The following TENM3 variants were observed in gnomAD, a reference collection of about 807,000 sequenced individuals.
TENM3 encodes teneurin transmembrane protein 3.
In TENM3, 63 loss-of-function variants were observed where a neutral mutation model predicts 255.1. The ratio of observed to expected loss-of-function variants is 0.25; its 90% CI spans 0.20 to 0.30. The LOEUF (loss-of-function observed/expected upper bound fraction) is 0.30. Ranked by LOEUF, TENM3 falls within the 10% of genes least tolerant of loss-of-function variation. The probability of loss-of-function intolerance (pLI) is 1.00; values close to 1 mark genes in which losing one functional copy is unlikely to be tolerated. For missense variants in TENM3, 2,929 were observed against 3,461.1 expected (o/e 0.85, Z 3.86); for synonymous variants, 1,306 against 1,322.3 (o/e 0.99, Z 0.27).
At chr4:182,437,773 G>A (rs1415951455) in intron 3 of TENM3, among the ~76,000 whole-genome samples, 1 of 150,806 alleles carries the variant, frequency 6.6e-6, no homozygotes, top group Non-Finnish European at 1.5e-5. Flanking sequence ...ACTTCAGCCT[G>A]GATGACAGAG....
chr4:181,810,030 T>A, the TENM3 span, among the ~76,000 whole-genome samples: 942 of 152,162 alleles, frequency 6.2e-3, 11 homozygotes, highest in African/African-American at 0.021. Flanking sequence ...CTTGTGATAA[T>A]GTGTTATAGC....
the TENM3 span, among the ~76,000 whole-genome samples, chr4:181,616,200 AGGGAAT>A: frequency 6.6e-6 from 1 of 150,556 alleles, no homozygotes. Flanking sequence ...CAGGCTGAAA[AGGGAAT>A]CAGTGTATTC....
At chr4:182,174,569 C>T (rs1752335638) in intron 1 of TENM3, among the ~76,000 whole-genome samples, 1 of 151,176 alleles carries the variant, frequency 6.6e-6, no homozygotes, top group Admixed American at 6.6e-5. Context: ...GCCCCTTAAG[C>T]TCACCTGAAT....
chr4:181,806,750 A>C, the TENM3 span, among the ~76,000 whole-genome samples: 1 of 152,180 alleles, frequency 6.6e-6, no homozygotes, highest in Non-Finnish European at 1.5e-5. Context: ...CAAATTACCC[A>C]GTTTCACGTG....
At chr4:182,380,213 G>A (rs1351914771) in intron 3 of TENM3, among the ~76,000 whole-genome samples, 1 of 152,230 alleles carries the variant, frequency 6.6e-6, no homozygotes, top group Non-Finnish European at 1.5e-5. Flanking sequence ...AGAGGTTGCA[G>A]TGAGCCGAGA....
chr4:182,524,352 C>CTT (rs138783384), intron 3 of TENM3, among the ~76,000 whole-genome samples: 8 of 59,472 alleles, frequency 1.3e-4, no homozygotes, highest in Admixed American at 2.7e-4. Context: ...CACTGATGAG[C>CTT]TTTTTTTTTT....
chr4:181,647,329 A>G, the TENM3 span, among the ~76,000 whole-genome samples: 1 of 152,222 alleles, frequency 6.6e-6, no homozygotes, highest in Non-Finnish European at 1.5e-5. Context: ...AATTATCTAT[A>G]AAGCTCCCAA....
At chr4:181,485,947 G>T in the TENM3 span, among the ~76,000 whole-genome samples, 1 of 151,686 alleles carries the variant, frequency 6.6e-6, no homozygotes, top group Admixed American at 6.6e-5. Flanking sequence ...AAGCCACTGC[G>T]TGAAAAATTT....
At chr4:182,719,733 A>G (rs1759549117) in intron 13 of TENM3, among the ~76,000 whole-genome samples, 1 of 152,174 alleles carries the variant, frequency 6.6e-6, no homozygotes, top group African/African-American at 2.4e-5. Context: ...ATAAATAATT[A>G]GATAAATAAG....
the TENM3 span, among the ~76,000 whole-genome samples, chr4:181,652,594 T>G: frequency 6.6e-6 from 1 of 152,370 alleles, no homozygotes; most frequent in Admixed American, 6.5e-5. Context: ...TCCAGCATTG[T>G]CAGGAATTTC....
the TENM3 span, among the ~76,000 whole-genome samples, chr4:181,777,770 A>G: frequency 6.6e-6 from 1 of 152,240 alleles, no homozygotes; most frequent in East Asian, 1.9e-4. Flanking sequence ...TTATGTCTAT[A>G]ATATGTGAAA....
the TENM3 span, among the ~76,000 whole-genome samples, chr4:181,698,087 G>T: frequency 6.6e-6 from 1 of 151,858 alleles, no homozygotes; most frequent in East Asian, 2.0e-4. Flanking sequence ...GGTGGCAGGC[G>T]CTTGTAGTCC....
chr4:182,434,249 A>G (rs1480127056), intron 3 of TENM3, among the ~76,000 whole-genome samples: 4 of 152,184 alleles, frequency 2.6e-5, no homozygotes, highest in Non-Finnish European at 5.9e-5. Flanking sequence ...GAGGTGACTG[A>G]GAATGGTGAT....
the TENM3 span, among the ~76,000 whole-genome samples, chr4:181,644,518 T>A: frequency 6.6e-6 from 1 of 152,018 alleles, no homozygotes; most frequent in Non-Finnish European, 1.5e-5. Context: ...GCTTCTGCAA[T>A]CTTGTCTTTC....
At chr4:182,037,029 A>G in the TENM3 span, among the ~76,000 whole-genome samples, 1 of 152,118 alleles carries the variant, frequency 6.6e-6, no homozygotes, top group African/African-American at 2.4e-5. Context: ...TCTTCCTTAT[A>G]TCCATTTATA....
chr4:182,246,210 C>T lies in TENM3; in HGVS notation c.-76+2734C>T, dbSNP rs114943101. Among the ~76,000 whole-genome samples, 470 of 152,210 alleles carry T rather than the reference C, an allele frequency of 3.1e-3. 3 individuals are homozygous for T. Among genetic ancestry groups the T allele is most frequent in the African/African-American group, 0.011 (449 of 41,530 alleles). Reference sequence around the variant, plus strand: ...CTAGGTACCACTAATTATCTAACCCCGGGTCATCAGCAGGATTTACCACCA... The same window carrying T: ...CTAGGTACCACTAATTATCTAACCCTGGGTCATCAGCAGGATTTACCACCA... On this transcript the variant is annotated intron_variant, in intron 1 of 27. Transcript: ENST00000511685.
chr4:182,209,427 C>A (rs887189061), intron 1 of TENM3, among the ~76,000 whole-genome samples: 29 of 152,110 alleles, frequency 1.9e-4, no homozygotes, highest in Admixed American at 5.2e-4. Context: ...CCCGTCCCCA[C>A]CACTAGATCA....
the TENM3 span, among the ~76,000 whole-genome samples, chr4:181,473,087 C>G: frequency 2.0e-4 from 30 of 151,820 alleles, no homozygotes; most frequent in African/African-American, 7.3e-4. Flanking sequence ...TTTAATTAAA[C>G]AATATTTCAT....
At chr4:181,604,143 T>C in the TENM3 span, among the ~76,000 whole-genome samples, 2 of 152,038 alleles carry the variant, frequency 1.3e-5, no homozygotes, top group Non-Finnish European at 2.9e-5. Flanking sequence ...CGGGTGCCTG[T>C]AGTCCCAGCT....
Sources: gnomAD v4.1 joint callset for allele counts (sites outside exome capture counted in the v4.1 genomes callset) on GRCh38, gnomAD v4.1.1 for gene constraint, MANE v1.5 for transcripts, NCBI Gene and HGNC (gene_info 2026-07-23, HGNC 2026-07-21) for gene names.